The following ATP12A variants were observed in gnomAD, a reference collection of about 807,000 sequenced individuals.
The protein encoded by ATP12A is ATPase H+/K+ transporting non-gastric alpha2 subunit, also known as potassium-transporting ATPase alpha chain 2.
ATP12A carries 81 observed loss-of-function variants against 111.2 expected under a neutral mutation model. That is an observed-to-expected ratio of 0.73 (90% CI 0.61 to 0.88). ATP12A has a LOEUF of 0.88. Among genes scored for constraint, ATP12A ranks in the 40% least tolerant of loss-of-function variants. ATP12A has a pLI of 0.00. For missense variants in ATP12A, 1,196 were observed against 1,313.1 expected (o/e 0.91, Z 1.38); for synonymous variants, 498 against 499.8 (o/e 1.00, Z 0.05).
chr13:24,697,418 G>T (rs756959858), intron 11 of ATP12A, among the ~76,000 whole-genome samples: 1 of 152,038 alleles, frequency 6.6e-6, no homozygotes, highest in African/African-American at 2.4e-5. Context: ...CAGATTGCTT[G>T]AGCCCAGGAG....
At chr13:24,698,248 C>T (rs936868360) in intron 11 of ATP12A, among the ~76,000 whole-genome samples, 8 of 152,134 alleles carry the variant, frequency 5.3e-5, no homozygotes, top group South Asian at 4.2e-4. Flanking sequence ...AAATTCCTGT[C>T]GCCTCCTCCC....
At chr13:24,697,040 T>C (rs1875197116) in intron 11 of ATP12A, among the ~76,000 whole-genome samples, 1 of 152,228 alleles carries the variant, frequency 6.6e-6, no homozygotes, top group Non-Finnish European at 1.5e-5. Context: ...ATGTATTTAA[T>C]TTAAAAGATT....
Position 24,711,829 on chromosome 13 carries a change from T to TTGTG in ATP12A, c.*309_*312dup. Reference sequence around the variant, plus strand: ...TTGAAACTCCTTGATGTTAATAGTCTTGTGTAACCCAGGCATCTACTGGGG... The same window carrying TTGTG: ...TTGAAACTCCTTGATGTTAATAGTCTTGTGTGTGTAACCCAGGCATCTACTGGGG... On this transcript the variant is annotated 3_prime_UTR_variant, in exon 23 of 23. Transcript: ENST00000381946. 1 of 432,844 alleles carries TTGTG rather than the reference T, an allele frequency of 2.3e-6. No individual in the cohort carries two copies. The highest frequency in any genetic ancestry group is 4.2e-6 in the Non-Finnish European group (1 of 235,626). 26.8% of individuals were successfully genotyped at this position (432,844 alleles called of 1,614,324 possible). A position where few individuals can be genotyped will look rare whatever the true frequency, so the allele number is the denominator to read the frequency against.
intron 7 of ATP12A, 101 bp downstream of exon 7, chr13:24,690,822 C>T: frequency 6.9e-7 from 1 of 1,442,916 alleles, no homozygotes; most frequent in East Asian, 2.3e-5. Context: ...CAAAGCTCAT[C>T]CCAGAGGAAG....
At chr13:24,697,774 T>G (rs1361103497) in intron 11 of ATP12A, among the ~76,000 whole-genome samples, 1 of 152,032 alleles carries the variant, frequency 6.6e-6, no homozygotes, top group Non-Finnish European at 1.5e-5. Flanking sequence ...CTCAATGTCT[T>G]TACTTGATCA....
chr13:24,682,120 TGTGTGTGTGTGGTGTG>T (rs1874485743), intron 2 of ATP12A, among the ~76,000 whole-genome samples: 1 of 101,670 alleles, frequency 9.8e-6, no homozygotes, highest in African/African-American at 3.8e-5. Flanking sequence ...GTGTGTGTGG[TGTGTGTGTGTGGTGTG>T]TATATGTGTG....
chr13:24,690,768 C>T, intron 7 of ATP12A, 47 bp downstream of exon 7: 1 of 1,553,458 alleles, frequency 6.4e-7, no homozygotes. Flanking sequence ...TGTGTCCTTT[C>T]TCCCTCCTGG....
At chr13:24,686,754 G>T (rs1437755875) in intron 3 of ATP12A, among the ~76,000 whole-genome samples, 1 of 146,460 alleles carries the variant, frequency 6.8e-6, no homozygotes, top group Non-Finnish European at 1.5e-5. Flanking sequence ...AAGAAGGAAA[G>T]AAAGAAAGAA....
In ATP12A at chr13:24,712,418, T is replaced by C. The variant is rs1482640732; in HGVS notation, c.*896T>C. 7 of 152,212 alleles carry C rather than the reference T, an allele frequency of 4.6e-5. No individual in the cohort carries two copies. Among genetic ancestry groups the C allele is most frequent in the African/African-American group, 1.7e-4 (7 of 41,442 alleles). The allele number at this position is 152,212 out of a possible 1,614,324, so 9.4% of individuals were successfully genotyped here. ...GGTGTATTCATGTGTGACACTTCCA[T>C]GTTGACAGGCCCGGAAAGGCCTCAT... is the stretch of plus-strand genomic sequence containing the variant. On this transcript the variant is annotated 3_prime_UTR_variant, in exon 23 of 23. Transcript: ENST00000381946.
chr13:24,710,487 T>A lies in ATP12A; in HGVS notation c.2791T>A (p.Trp931Arg). ...WTRYQREYLE[W>R]TGYTAFFVGI... The stretch of plus-strand genomic sequence containing the variant: ...AAGGTACCAGAGGGAATACCTAGAA[T>A]GGACGGGCTACACGGCTTTCTTTGT... The change falls in exon 20 of 23, where the codon TGG (tryptophan) becomes AGG (arginine). Residue 931 changes from tryptophan (W) to arginine (R), a missense_variant. Physicochemically the swap from Trp to Arg is moderately radical, Grantham distance 101. Transcript: ENST00000381946. The A allele has an allele frequency of 6.2e-7, 1 of 1,614,186 alleles. No individual in the cohort carries two copies. The highest frequency in any genetic ancestry group is 8.5e-7 in the Non-Finnish European group (1 of 1,180,046).
rs368895387 is a variant in ATP12A, at chr13:24,702,925, T to C, written c.2018+854T>C. Reference sequence around the variant, plus strand: ...GAATTCTCAGGTTGAGAAGTAATGTTCATTAGCTGGGTTATGTTTTCACGC... The same window carrying C: ...GAATTCTCAGGTTGAGAAGTAATGTCCATTAGCTGGGTTATGTTTTCACGC... On this transcript the variant is annotated intron_variant, in intron 14 of 22. Transcript: ENST00000381946. 3.3e-5 allele frequency among the ~76,000 whole-genome samples: 5 copies of C among 152,216 alleles called. No individual in the cohort carries two copies. In the East Asian group the frequency reaches 7.7e-4, roughly 23 times the overall value.
chr13:24,691,766 C>G (rs2071492), intron 8 of ATP12A, among the ~76,000 whole-genome samples: 35,466 of 152,038 alleles, frequency 0.23, 4,587 homozygotes, highest in East Asian at 0.47. Context: ...TCCTCAGTCT[C>G]TCCTGTGGGG....
chr13:24,711,662 T>G lies in ATP12A; in HGVS notation c.*140T>G, dbSNP rs1165255048. 5 of 1,153,644 alleles carry G rather than the reference T, an allele frequency of 4.3e-6. No homozygotes were observed. Among genetic ancestry groups the G allele is most frequent in the Non-Finnish European group, 6.2e-6 (5 of 803,426 alleles). The allele number at this position is 1,153,644 out of a possible 1,614,324, so 71.5% of individuals were successfully genotyped here. On this transcript the variant is annotated 3_prime_UTR_variant, in exon 23 of 23. Transcript: ENST00000381946. Reference sequence around the variant, plus strand: ...GGAAATTTTCATGCAGAAAGCTGTATGCAGGATGCTCACTGATGTTTTGCA... The same window carrying G: ...GGAAATTTTCATGCAGAAAGCTGTAGGCAGGATGCTCACTGATGTTTTGCA...
At chr13:24,699,868 C>T (rs1031533740) in intron 12 of ATP12A, among the ~76,000 whole-genome samples, 2 of 152,214 alleles carry the variant, frequency 1.3e-5, no homozygotes, top group Admixed American at 1.3e-4. Flanking sequence ...CTCACCAATA[C>T]AGATGCAGTC....
chr13:24,706,545 G>GCTT (rs1265940586), intron 15 of ATP12A, 82 bp downstream of exon 15: 2 of 1,526,744 alleles, frequency 1.3e-6, no homozygotes, highest in Non-Finnish European at 1.8e-6. Context: ...CTCACATCAG[G>GCTT]CTGTGGTGCC....
Position 24,711,498 on chromosome 13 carries a change from G to T in ATP12A, c.3096G>T (p.Trp1032Cys). Residue 1032 changes from tryptophan to cysteine, a missense_variant, in exon 23 of 23, where the codon TGG becomes TGT. Transcript: ENST00000381946. ...TACTTTTTTCTACCTCTACAGGCTG[G>T]TGGGATAAGAACATGTATTATTAAG... ...KLFIRLYPGS[W>C]WDKNMYY 1 of 1,614,150 alleles carries T rather than the reference G, an allele frequency of 6.2e-7. No homozygotes were observed. The highest frequency in any genetic ancestry group is 2.2e-5 in the East Asian group (1 of 44,868).
At chr13:24,708,940 A>AGAAG (rs1875813271) in intron 17 of ATP12A, among the ~76,000 whole-genome samples, 1 of 143,438 alleles carries the variant, frequency 7.0e-6, no homozygotes, top group East Asian at 2.0e-4. Flanking sequence ...AAAGAAAGAA[A>AGAAG]GAAAGAAAGA....
chr13:24,691,112 G>A lies in ATP12A; in HGVS notation c.930G>A (p.Val310=). Residue 310 remains valine (V), a synonymous_variant, in exon 8 of 23, where the codon GTG becomes GTA. Transcript: ENST00000381946. ...AGATCGAGCACTTTGTTCACATTGT[G>A]GCAGGAGTGGCTGTCTCCATCGGCA... ...AIEIEHFVHI[V]AGVAVSIGIL... 1.2e-6 allele frequency: 2 copies of A among 1,614,204 alleles called. No individual in the cohort carries two copies. Among genetic ancestry groups the A allele is most frequent in the Non-Finnish European group, 1.7e-6 (2 of 1,180,042 alleles).
chr13:24,688,273 T>C (rs1217859697), intron 3 of ATP12A, 46 bp from the exon 4 acceptor site: 2 of 1,556,948 alleles, frequency 1.3e-6, no homozygotes, highest in African/African-American at 2.7e-5. Context: ...GAATGTCTAA[T>C]TCGTATTTGT....
Sources: gnomAD v4.1 joint callset for allele counts (sites outside exome capture counted in the v4.1 genomes callset) on GRCh38, gnomAD v4.1.1 for gene constraint, MANE v1.5 for transcripts, NCBI Gene and HGNC (gene_info 2026-07-23, HGNC 2026-07-21) for gene names.